The following CENPN variants were observed in gnomAD, a reference collection of about 807,000 sequenced individuals.
CENPN encodes centromere protein N, also known as interphase centromere complex protein 32.
In CENPN, 36 loss-of-function variants were observed where a neutral mutation model predicts 48.6. That is an observed-to-expected ratio of 0.74 (90% confidence interval 0.57 to 0.98). CENPN has a LOEUF of 0.98. CENPN is among the 50% of genes least tolerant of loss of function. CENPN has a pLI of 0.00. For missense variants in CENPN, 439 were observed against 399.2 expected (o/e 1.10, Z -0.85); for synonymous variants, 166 against 135.2 (o/e 1.23, Z -1.58).
chr16:81,020,330 C>A, intron 6 of CENPN, 54 bp downstream of exon 6: 1 of 1,517,710 alleles, frequency 6.6e-7, no homozygotes, highest in South Asian at 1.2e-5. Flanking sequence ...TCTCAAAGGT[C>A]TATATAGATT....
chr16:81,026,499 G>T, intron 8 of CENPN, 27 bp from the exon 9 acceptor site: 1 of 1,163,060 alleles, frequency 8.6e-7, no homozygotes, highest in East Asian at 2.4e-5. Flanking sequence ...CCTAACGGCT[G>T]TTTTATTTGA....
intron 4 of CENPN, 73 bp downstream of exon 4, chr16:81,017,458 T>C: frequency 9.6e-7 from 1 of 1,037,568 alleles, no homozygotes. Context: ...TACAGCGAGC[T>C]GAGATTGCAC....
intron 3 of CENPN, chr16:81,014,397 G>C (rs1384225585): frequency 2.0e-6 from 1 of 496,610 alleles, no homozygotes; most frequent in Non-Finnish European, 3.6e-6. Flanking sequence ...ACCATGTATG[G>C]CTAATTTTTT....
rs1452500536 is a variant in CENPN, at chr16:81,028,686, C to T, written c.*35C>T. 6.3e-6 allele frequency: 10 copies of T among 1,595,676 alleles called. No individual in the cohort carries two copies. In the East Asian group the frequency reaches 2.2e-4, roughly 36 times the overall value. On this transcript the variant is annotated 3_prime_UTR_variant, in exon 11 of 11. Transcript: ENST00000305850. ...GGTTTCTTAAGCACAGCTCCTCCTT[C>T]TTGATATTGCACATGCACTTCAGTT...
intron 6 of CENPN, chr16:81,020,518 A>T: frequency 2.7e-6 from 1 of 363,882 alleles, no homozygotes; most frequent in African/African-American, 2.1e-5. Context: ...AAACAAAAAA[A>T]AGATATAGAA....
intron 1 of CENPN, among the ~76,000 whole-genome samples, chr16:81,008,472 G>C (rs1206310096): frequency 6.6e-6 from 1 of 151,930 alleles, no homozygotes; most frequent in Non-Finnish European, 1.5e-5. Context: ...CCCGGATTCA[G>C]GCTGTTCTCT....
At chr16:81,024,843 C>T in intron 8 of CENPN, 65 bp downstream of exon 8, 3 of 1,076,640 alleles carry the variant, frequency 2.8e-6, no homozygotes, top group South Asian at 2.8e-5. Flanking sequence ...ATTTCTTTCA[C>T]TTGGTAAAAC....
intron 3 of CENPN, 195 bp downstream of exon 3, chr16:81,014,376 A>G: frequency 1.7e-6 from 1 of 578,534 alleles, no homozygotes; most frequent in Non-Finnish European, 3.1e-6. Context: ...CTGGGACTAT[A>G]GCAGTGCACC....
At chr16:81,026,490 C>A in intron 8 of CENPN, 36 bp from the exon 9 acceptor site, 1 of 1,020,004 alleles carries the variant, frequency 9.8e-7, no homozygotes. Flanking sequence ...AAATATATTC[C>A]TAACGGCTGT....
chr16:81,016,987 G>C (rs570537630), intron 3 of CENPN: 1 of 252,828 alleles, frequency 4.0e-6, no homozygotes, highest in East Asian at 1.6e-4. Context: ...CTCAAATGTG[G>C]GTCCTGTGGG....
Position 81,029,009 on chromosome 16 carries a change from G to A in CENPN, c.*358G>A. On this transcript the variant is annotated 3_prime_UTR_variant, in exon 11 of 11. Coordinates refer to ENST00000305850, the MANE Select transcript of CENPN (RefSeq NM_001100624.3). ...CTATGGCTGTCTCTTCTCAATTCTG[G>A]AGAGGTCTGGTTCCAGTGGCTGGTT... is the stretch of plus-strand genomic sequence containing the variant. 1.0e-6 allele frequency: 1 copy of A among 997,018 alleles called. No homozygotes were observed. The highest frequency in any genetic ancestry group is 1.2e-6 in the Non-Finnish European group (1 of 838,036). 61.8% of individuals were successfully genotyped at this position (997,018 alleles called of 1,614,324 possible). A position where few individuals can be genotyped will look rare whatever the true frequency, so the allele number is the denominator to read the frequency against.
rs1970756305 is a variant in CENPN, at chr16:81,031,172, C to G, written c.*2521C>G. The G allele has an allele frequency of 6.7e-6, 1 of 150,338 alleles. No individual in the cohort carries two copies. The highest frequency in any genetic ancestry group is 1.5e-5 in the Non-Finnish European group (1 of 67,496). 9.3% of individuals were successfully genotyped at this position (150,338 alleles called of 1,614,324 possible). ...CTGCAACTTGAAAAAAAATTAAAAG[C>G]TCCAAAAAAAAAACAATACAGGAGC... On this transcript the variant is annotated 3_prime_UTR_variant, in exon 11 of 11. Coordinates refer to ENST00000305850, the MANE Select transcript of CENPN (RefSeq NM_001100624.3).
chr16:81,022,602 G>T lies in CENPN; in HGVS notation c.537G>T (p.Leu179=). ...TTGCAAATTTTCATTTCAAGGCGCT[G>T]ACAATTGCTAGCAAACACCATCAGA... ...RRNTPLLGQA[L]TIASKHHQIV... is the part of the protein sequence containing the mutation. The change falls in exon 7 of 11, where the codon CTG becomes CTT. Residue 179 remains leucine (L), a synonymous_variant. Coordinates refer to ENST00000305850, the MANE Select transcript of CENPN (RefSeq NM_001100624.3). The T allele has an allele frequency of 6.2e-7, 1 of 1,613,922 alleles. No homozygotes were observed. The highest frequency in any genetic ancestry group is 1.1e-5 in the South Asian group (1 of 91,052).
chr16:81,007,429 C>G (rs747748535), intron 1 of CENPN, 152 bp downstream of exon 1: 9 of 152,224 alleles, frequency 5.9e-5, no homozygotes, highest in Admixed American at 1.3e-4. Context: ...GGGCGAGGAA[C>G]TACGGTTCGG....
intron 8 of CENPN, among the ~76,000 whole-genome samples, chr16:81,026,099 G>GTA (rs1970463697): frequency 8.5e-6 from 1 of 117,146 alleles, no homozygotes; most frequent in East Asian, 2.4e-4. Flanking sequence ...GTATATATAT[G>GTA]TGTGTGTATA....
chr16:81,016,128 G>A (rs1435494720), intron 3 of CENPN, among the ~76,000 whole-genome samples: 2 of 152,164 alleles, frequency 1.3e-5, no homozygotes, highest in African/African-American at 2.4e-5. Context: ...TAACTTCCTA[G>A]GTCCATTTCT....
intron 7 of CENPN, chr16:81,023,257 GT>G (rs1335672771): frequency 8.9e-6 from 2 of 223,538 alleles, no homozygotes; most frequent in Non-Finnish European, 1.8e-5. Context: ...TGACACTCCT[GT>G]GAGTGGATTG....
intron 3 of CENPN, among the ~76,000 whole-genome samples, chr16:81,015,183 C>A (rs1287411467): frequency 6.6e-6 from 1 of 152,230 alleles, no homozygotes; most frequent in South Asian, 2.1e-4. Context: ...CCTCTCCTCC[C>A]TTCCATTTCA....
chr16:81,018,046 C>G (rs760879096), intron 5 of CENPN, among the ~76,000 whole-genome samples: 4 of 152,274 alleles, frequency 2.6e-5, no homozygotes, highest in Non-Finnish European at 4.4e-5. Context: ...CTTCTTTTTC[C>G]AGAGGAGCTC....
Sources: gnomAD v4.1 joint callset for allele counts (sites outside exome capture counted in the v4.1 genomes callset) on GRCh38, gnomAD v4.1.1 for gene constraint, MANE v1.5 for transcripts, NCBI Gene and HGNC (gene_info 2026-07-23, HGNC 2026-07-21) for gene names.